The following CTIF variants were observed in gnomAD, a reference collection of about 807,000 sequenced individuals.
The protein encoded by CTIF is CBP80/20-dependent translation initiation factor.
In CTIF, 21 loss-of-function variants were observed where a neutral mutation model predicts 66.0. That is an observed-to-expected ratio of 0.32 (90% CI 0.23 to 0.46). CTIF has a LOEUF of 0.46. CTIF is among the 20% of genes least tolerant of loss of function. The pLI is 1.00. For missense variants in CTIF, 739 were observed against 812.7 expected (o/e 0.91, Z 1.10); for synonymous variants, 345 against 326.4 (o/e 1.06, Z -0.62).
chr18:48,676,744 G>A (rs1204724554), intron 6 of CTIF, among the ~76,000 whole-genome samples: 3 of 151,892 alleles, frequency 2.0e-5, no homozygotes, highest in Admixed American at 1.3e-4. Context: ...GCCTTCACAC[G>A]GGAGATGGCT....
intron 5 of CTIF, among the ~76,000 whole-genome samples, chr18:48,665,019 A>G (rs1483110704): frequency 2.0e-5 from 3 of 146,998 alleles, no homozygotes; most frequent in South Asian, 2.2e-4. Flanking sequence ...GGTTCACGCC[A>G]TTCTCCTGCC....
chr18:48,823,242 G>T (rs1434373764), intron 10 of CTIF, among the ~76,000 whole-genome samples: 2 of 151,224 alleles, frequency 1.3e-5, no homozygotes, highest in Non-Finnish European at 2.9e-5. Context: ...AAAGTGTCCA[G>T]ACCAACGTCA....
At chr18:48,683,416 G>C (rs1048414386) in intron 6 of CTIF, among the ~76,000 whole-genome samples, 1 of 149,778 alleles carries the variant, frequency 6.7e-6, no homozygotes, top group South Asian at 2.1e-4. Context: ...CGAGCAGGGG[G>C]CACAAGGGAC....
intron 7 of CTIF, among the ~76,000 whole-genome samples, chr18:48,750,431 C>T (rs574342764): frequency 3.3e-4 from 50 of 152,352 alleles, no homozygotes; most frequent in African/African-American, 1.2e-3. Context: ...TCTGTGCTGC[C>T]GCAAGATGGA....
intron 6 of CTIF, among the ~76,000 whole-genome samples, chr18:48,704,671 C>T (rs553268412): frequency 2.6e-5 from 4 of 152,314 alleles, no homozygotes; most frequent in African/African-American, 7.2e-5. Context: ...AGTCCTCACG[C>T]GGCCTTGTTT....
intron 1 of CTIF, among the ~76,000 whole-genome samples, chr18:48,580,429 G>T (rs566945049): frequency 7.9e-5 from 12 of 152,314 alleles, no homozygotes; most frequent in African/African-American, 2.9e-4. Context: ...TGAAGGTGGA[G>T]GCTGGGGAAA....
rs908154350 is a variant in CTIF, at chr18:48,722,223, T to A, written c.584+10528T>A. On this transcript the variant is annotated intron_variant, in intron 7 of 11. Coordinates refer to ENST00000256413, the MANE Select transcript of CTIF (RefSeq NM_014772.3). ...GCCCTGTGCTTTTTTTTTTTTTTTT[T>A]TTTTTTTGTGAGACAGGATCTCACT... Among the ~76,000 whole-genome samples, 5 of 146,522 alleles carry A rather than the reference T, an allele frequency of 3.4e-5. No homozygotes were observed. The South Asian group carries it at 1.1e-3, about 33-fold the overall frequency.
intron 6 of CTIF, among the ~76,000 whole-genome samples, chr18:48,672,069 G>A (rs1406156328): frequency 9.0e-6 from 1 of 111,686 alleles, no homozygotes; most frequent in Non-Finnish European, 1.9e-5. Flanking sequence ...TTAAAGTCCT[G>A]GCTGATAATG....
At chr18:48,603,052 G>A (rs910997606) in intron 1 of CTIF, among the ~76,000 whole-genome samples, 1 of 150,288 alleles carries the variant, frequency 6.7e-6, no homozygotes, top group East Asian at 2.0e-4. Flanking sequence ...TGGATGTATG[G>A]ATGGATAAGA....
At chr18:48,723,246 A>G (rs968081349) in intron 7 of CTIF, among the ~76,000 whole-genome samples, 1 of 151,962 alleles carries the variant, frequency 6.6e-6, no homozygotes. Flanking sequence ...ACTCACATGC[A>G]CGGGGAGCTA....
At chr18:48,647,197 C>A (rs1050544100) in intron 3 of CTIF, among the ~76,000 whole-genome samples, 3 of 152,218 alleles carry the variant, frequency 2.0e-5, no homozygotes, top group Non-Finnish European at 4.4e-5. Flanking sequence ...AAAGCCAGTC[C>A]TCCAAAGTCG....
chr18:48,583,346 C>T (rs1411228499), intron 1 of CTIF, among the ~76,000 whole-genome samples: 1 of 152,164 alleles, frequency 6.6e-6, no homozygotes, highest in Non-Finnish European at 1.5e-5. Context: ...TTAATGAATG[C>T]CCTGTTATCT....
At chr18:48,675,488 G>T (rs1462570398) in intron 6 of CTIF, among the ~76,000 whole-genome samples, 2 of 152,198 alleles carry the variant, frequency 1.3e-5, no homozygotes, top group African/African-American at 2.4e-5. Context: ...TGGTCCCAGC[G>T]CCAGCAGCCA....
chr18:48,703,354 G>C (rs1598897860), intron 6 of CTIF, among the ~76,000 whole-genome samples: 1 of 152,284 alleles, frequency 6.6e-6, no homozygotes, highest in East Asian at 1.9e-4. Flanking sequence ...AGCCCGGTGT[G>C]GCCACCTCCT....
At chr18:48,830,184 A>G (rs2068660512) in intron 10 of CTIF, among the ~76,000 whole-genome samples, 1 of 152,138 alleles carries the variant, frequency 6.6e-6, no homozygotes, top group South Asian at 2.1e-4. Context: ...TTGTGTTTTG[A>G]GACAGTGTCT....
At chr18:48,838,228 C>G (rs2068856905) in intron 10 of CTIF, among the ~76,000 whole-genome samples, 1 of 152,208 alleles carries the variant, frequency 6.6e-6, no homozygotes, top group Non-Finnish European at 1.5e-5. Context: ...TCCCAACACC[C>G]CGGCACATCA....
intron 10 of CTIF, among the ~76,000 whole-genome samples, chr18:48,851,290 G>T (rs758007755): frequency 1.1e-4 from 16 of 152,238 alleles, no homozygotes; most frequent in Non-Finnish European, 2.4e-4. Context: ...AAGAAAAAGA[G>T]CAGGGAGACT....
chr18:48,785,261 C>T (rs987342048), intron 9 of CTIF, among the ~76,000 whole-genome samples: 2 of 152,320 alleles, frequency 1.3e-5, no homozygotes, highest in South Asian at 4.1e-4. Context: ...GTTTCTGACT[C>T]TTAGAGGCTC....
intron 7 of CTIF, among the ~76,000 whole-genome samples, chr18:48,714,067 G>A (rs2092255735): frequency 6.6e-6 from 1 of 152,120 alleles, no homozygotes; most frequent in African/African-American, 2.4e-5. Flanking sequence ...AAAAGCAGGG[G>A]TCTCCTGAGT....
Sources: gnomAD v4.1 joint callset for allele counts (sites outside exome capture counted in the v4.1 genomes callset) on GRCh38, gnomAD v4.1.1 for gene constraint, MANE v1.5 for transcripts, NCBI Gene and HGNC (gene_info 2026-07-23, HGNC 2026-07-21) for gene names.